The following PCDHA8 variants were observed in gnomAD, a reference collection of about 807,000 sequenced individuals.
PCDHA8 encodes the protein protocadherin alpha 8.
PCDHA8 carries 53 observed loss-of-function variants against 61.8 expected under a neutral mutation model. The ratio of observed to expected loss-of-function variants is 0.86; its 90% confidence interval spans 0.69 to 1.08. The LOEUF is 1.08. Ranked by LOEUF, PCDHA8 falls within the 50% of genes least tolerant of loss-of-function variation. PCDHA8 has a pLI of 0.00. For synonymous variants in PCDHA8, 618 were observed against 556.6 expected (o/e 1.11, Z -1.55); for missense variants, 1,293 against 1,245.0 (o/e 1.04, Z -0.58).
In PCDHA8 at chr5:140,945,865, A is replaced by T. The variant is rs184952981; in HGVS notation, c.2395-33084A>T. ...ATTAAAGACTTAAACATAGACCTGAAATTGTAAAACTAACAAAGAAAACAC... is the reference window on the plus strand; with the variant it reads ...ATTAAAGACTTAAACATAGACCTGATATTGTAAAACTAACAAAGAAAACAC... On this transcript the variant is annotated intron_variant, in intron 1 of 3. Coordinates refer to ENST00000531613, the MANE Select transcript of PCDHA8 (RefSeq NM_018911.3). Among the ~76,000 whole-genome samples, 23 of 152,290 alleles carry T rather than the reference A, an allele frequency of 1.5e-4. No individual in the cohort carries two copies. The East Asian group carries it at 4.2e-3, about 28-fold the overall frequency.
intron 1 of PCDHA8, among the ~76,000 whole-genome samples, chr5:140,973,841 G>A (rs2096604649): frequency 6.6e-6 from 1 of 152,188 alleles, no homozygotes; most frequent in Admixed American, 6.5e-5. Context: ...CTTGCTTGTT[G>A]CCTACCAATT....
chr5:140,858,503 T>C, intron 1 of PCDHA8: 1 of 1,458,120 alleles, frequency 6.9e-7, no homozygotes. Flanking sequence ...CCGCATTTTC[T>C]CAAATATGTA....
chr5:140,870,766 C>T, intron 1 of PCDHA8: 1 of 1,613,562 alleles, frequency 6.2e-7, no homozygotes, highest in Non-Finnish European at 8.5e-7. Context: ...GGTGTTCGTG[C>T]TGGACGAGAA....
intron 1 of PCDHA8, among the ~76,000 whole-genome samples, chr5:140,971,500 T>C (rs2096483313): frequency 1.3e-5 from 2 of 152,136 alleles, no homozygotes; most frequent in Admixed American, 1.3e-4. Context: ...TGTGGCAAGA[T>C]AGGAGCAAAA....
chr5:140,849,758 C>A (rs2150448460), intron 1 of PCDHA8: 1 of 1,598,492 alleles, frequency 6.3e-7, no homozygotes, highest in Non-Finnish European at 8.6e-7. Context: ...TGTCCGCCTA[C>A]GAGCTGGTGG....
intron 1 of PCDHA8, among the ~76,000 whole-genome samples, chr5:140,890,386 A>G (rs905205351): frequency 6.6e-6 from 1 of 152,202 alleles, no homozygotes; most frequent in Admixed American, 6.5e-5. Flanking sequence ...TCTTTCTTAG[A>G]TAATCTATAA....
At chr5:140,873,476 G>A (rs2054312814) in intron 1 of PCDHA8, among the ~76,000 whole-genome samples, 1 of 151,958 alleles carries the variant, frequency 6.6e-6, no homozygotes, top group African/African-American at 2.4e-5. Flanking sequence ...CAAATTACTT[G>A]GACTGATTTC....
chr5:140,937,160 C>T lies in PCDHA8; in HGVS notation c.2395-41789C>T, dbSNP rs767846084. Among the ~76,000 whole-genome samples the T allele has an allele frequency of 1.0e-3, 155 of 151,762 alleles. 1 individual carries two copies. Among genetic ancestry groups the T allele is most frequent in the Admixed American group, 4.7e-3 (71 of 15,248 alleles). ...TCATGCCATTCTCCTGCCTCAGCCT[C>T]CCGAGTAGCTGGGACTACAGGCGCC... On this transcript the variant is annotated intron_variant, in intron 1 of 3. Coordinates refer to ENST00000531613, the MANE Select transcript of PCDHA8 (RefSeq NM_018911.3).
rs1250461159 is a variant in PCDHA8 at position 140,856,238 on chromosome 5, C to A, written c.2394+12523C>A. 4 of 1,597,820 alleles carry A rather than the reference C, an allele frequency of 2.5e-6. 1 individual carries two copies. Among genetic ancestry groups the A allele is most frequent in the African/African-American group, 1.3e-5 (1 of 74,234 alleles). On this transcript the variant is annotated intron_variant, in intron 1 of 3. Coordinates refer to ENST00000531613, the MANE Select transcript of PCDHA8 (RefSeq NM_018911.3). ...GGCGGAGCTGGTGCAGCGCCTGTTC[C>A]GGGTGGCGTCCAAAAGACACGGGGA... is the stretch of plus-strand genomic sequence containing the variant.
At chr5:140,928,337 AT>A (rs549164954) in intron 1 of PCDHA8, 7 of 1,613,944 alleles carry the variant, frequency 4.3e-6, no homozygotes, top group Non-Finnish European at 5.9e-6. Flanking sequence ...CTTGTCTCTT[AT>A]GAGCTGTTGG....
intron 3 of PCDHA8, among the ~76,000 whole-genome samples, chr5:141,007,690 C>T (rs2098341020): frequency 6.6e-6 from 1 of 152,224 alleles, no homozygotes; most frequent in Non-Finnish European, 1.5e-5. Flanking sequence ...CCTACTTCCA[C>T]CTCCCTCCTC....
chr5:140,848,968 C>G (rs2150427139), intron 1 of PCDHA8: 1 of 1,605,306 alleles, frequency 6.2e-7, no homozygotes, highest in East Asian at 2.2e-5. Flanking sequence ...GAGGGCGCGT[C>G]CGATGCAGAT....
intron 3 of PCDHA8, among the ~76,000 whole-genome samples, chr5:140,989,765 C>G (rs2097359812): frequency 6.6e-6 from 1 of 152,286 alleles, no homozygotes. Context: ...ATATTCAGTT[C>G]AAGCACTGGC....
chr5:140,946,634 A>ATATATATAT (rs1554217761), intron 1 of PCDHA8, among the ~76,000 whole-genome samples: 5 of 147,332 alleles, frequency 3.4e-5, no homozygotes, highest in African/African-American at 7.7e-5. Flanking sequence ...ATATATATAC[A>ATATATATAT]ATGGAATACT....
At chr5:140,929,153 A>T in intron 1 of PCDHA8, 1 of 1,614,164 alleles carries the variant, frequency 6.2e-7, no homozygotes, top group African/African-American at 1.3e-5. Context: ...TCTCAGACTT[A>T]TCTCTATCGG....
chr5:140,985,975 G>A (rs2097182023), intron 3 of PCDHA8, among the ~76,000 whole-genome samples: 2 of 152,148 alleles, frequency 1.3e-5, no homozygotes, highest in South Asian at 2.1e-4. Flanking sequence ...TCCTGACCTC[G>A]TGATCCGCCC....
At chr5:140,856,761 C>G (rs377564040) in intron 1 of PCDHA8, 2 of 1,596,598 alleles carry the variant, frequency 1.3e-6, no homozygotes, top group South Asian at 2.2e-5. Context: ...AATGATAACG[C>G]CCCTATCTTT....
At chr5:140,937,402 CACA>C (rs1329840101) in intron 1 of PCDHA8, among the ~76,000 whole-genome samples, 1 of 152,034 alleles carries the variant, frequency 6.6e-6, no homozygotes, top group African/African-American at 2.4e-5. Flanking sequence ...AGGGGTATTG[CACA>C]ACTTTTATTA....
intron 1 of PCDHA8, among the ~76,000 whole-genome samples, chr5:140,921,954 C>A (rs970694644): frequency 2.0e-5 from 3 of 151,586 alleles, no homozygotes; most frequent in African/African-American, 7.3e-5. Context: ...TGTAAAATCC[C>A]AGAAAACCAA....
Sources: gnomAD v4.1 joint callset for allele counts (sites outside exome capture counted in the v4.1 genomes callset) on GRCh38, gnomAD v4.1.1 for gene constraint, MANE v1.5 for transcripts, NCBI Gene and HGNC (gene_info 2026-07-23, HGNC 2026-07-21) for gene names.